Variants in HPSE2 observed in about 807,000 individuals in gnomAD.
HPSE2 encodes the protein inactive heparanase-2.
A neutral mutation model predicts 60.5 loss-of-function variants in HPSE2; 38 were observed. The observed-to-expected ratio is 0.63, with a 90% confidence interval of 0.48 to 0.82. The LOEUF is 0.82. HPSE2 is among the 40% of genes least tolerant of loss of function. The pLI is 0.00. For missense variants in HPSE2, 713 were observed against 740.4 expected (o/e 0.96, Z 0.43); for synonymous variants, 295 against 293.2 (o/e 1.01, Z -0.06).
chr10:98,910,891 A>G, intron 3 of HPSE2, among the ~76,000 whole-genome samples: 1 of 152,192 alleles, frequency 6.6e-6, no homozygotes, highest in African/African-American at 2.4e-5. Context: ...GCTTAACTAA[A>G]AGGAATTGAG....
the HPSE2 span, among the ~76,000 whole-genome samples, chr10:99,301,393 T>A: frequency 6.6e-6 from 1 of 152,088 alleles, no homozygotes; most frequent in Non-Finnish European, 1.5e-5. Context: ...GTATCAGGTA[T>A]CCCCCCATAT....
chr10:99,242,055 G>T, the HPSE2 span, among the ~76,000 whole-genome samples: 2 of 152,068 alleles, frequency 1.3e-5, no homozygotes, highest in Admixed American at 1.3e-4. Flanking sequence ...ATATGTCTTT[G>T]ATTTTCTACT....
At chr10:98,960,423 T>C (rs1955622600) in intron 3 of HPSE2, among the ~76,000 whole-genome samples, 1 of 152,114 alleles carries the variant, frequency 6.6e-6, no homozygotes, top group African/African-American at 2.4e-5. Flanking sequence ...TAAAATAAAG[T>C]TTACTTTCTA....
chr10:99,244,179 G>A, the HPSE2 span, among the ~76,000 whole-genome samples: 41 of 151,420 alleles, frequency 2.7e-4, no homozygotes, highest in African/African-American at 9.7e-4. Flanking sequence ...CACCGTGCCC[G>A]GCTAATTTTT....
intron 3 of HPSE2, among the ~76,000 whole-genome samples, chr10:98,837,966 C>G (rs184158903): frequency 6.6e-6 from 1 of 151,786 alleles, no homozygotes; most frequent in Non-Finnish European, 1.5e-5. Flanking sequence ...TAAGAGAAAC[C>G]AGAGTAATAG....
chr10:99,206,109 C>T (rs1848736340), intron 2 of HPSE2, among the ~76,000 whole-genome samples: 1 of 152,136 alleles, frequency 6.6e-6, no homozygotes, highest in Non-Finnish European at 1.5e-5. Context: ...TGCAGATGTC[C>T]ACCATTTCAA....
chr10:98,571,940 C>CTTTTTT lies in HPSE2; in HGVS notation c.1320+42958_1320+42963dup, dbSNP rs1554943112. Among the ~76,000 whole-genome samples, 6 of 140,720 alleles carry CTTTTTT rather than the reference C, an allele frequency of 4.3e-5. 1 individual carries two copies. Among genetic ancestry groups the CTTTTTT allele is most frequent in the Admixed American group, 7.1e-5 (1 of 14,010 alleles). 92.3% of individuals were successfully genotyped at this position (140,720 alleles called of 152,430 possible). A position where few individuals can be genotyped will look rare whatever the true frequency, so the allele number is the denominator to read the frequency against. ...AATTCAGAGCAAGAGAATTCCTTTT[C>CTTTTTT]TTTTTTTTTTTTTTTTGAGACGGAG... is the stretch of plus-strand genomic sequence containing the variant. On this transcript the variant is annotated intron_variant, in intron 9 of 11. Coordinates refer to ENST00000370552, the MANE Select transcript of HPSE2 (RefSeq NM_021828.5).
At chr10:99,212,872 A>C (rs1848995731) in intron 2 of HPSE2, among the ~76,000 whole-genome samples, 2 of 152,202 alleles carry the variant, frequency 1.3e-5, no homozygotes, top group Admixed American at 6.5e-5. Context: ...ATATTTCAAA[A>C]CATCATATTG....
intron 3 of HPSE2, among the ~76,000 whole-genome samples, chr10:98,862,001 A>T (rs771198182): frequency 5.9e-5 from 9 of 152,194 alleles, no homozygotes; most frequent in Non-Finnish European, 1.2e-4. Flanking sequence ...AAGGTGAAAA[A>T]TCCATGTTTG....
At chr10:98,480,896 A>T (rs536405952) in intron 11 of HPSE2, among the ~76,000 whole-genome samples, 1 of 152,326 alleles carries the variant, frequency 6.6e-6, no homozygotes, top group South Asian at 2.1e-4. Context: ...ATATGTCAGG[A>T]ACTTTACACA....
intron 8 of HPSE2, among the ~76,000 whole-genome samples, chr10:98,616,208 C>T (rs944569516): frequency 2.0e-5 from 3 of 152,170 alleles, no homozygotes; most frequent in Non-Finnish European, 2.9e-5. Flanking sequence ...TGTACTTCCC[C>T]AGATCTCTTA....
chr10:98,798,817 G>A (rs867556159), intron 3 of HPSE2, among the ~76,000 whole-genome samples: 1 of 152,062 alleles, frequency 6.6e-6, no homozygotes, highest in Non-Finnish European at 1.5e-5. Context: ...AGGAAGGAAA[G>A]AAGGAAGAGA....
At chr10:99,153,000 TG>T (rs1846342642) in intron 2 of HPSE2, among the ~76,000 whole-genome samples, 1 of 152,238 alleles carries the variant, frequency 6.6e-6, no homozygotes, top group Non-Finnish European at 1.5e-5. Context: ...AGAGGGCACC[TG>T]GAAAATCGGG....
intron 3 of HPSE2, among the ~76,000 whole-genome samples, chr10:99,103,481 A>G (rs1844100953): frequency 6.6e-6 from 1 of 152,202 alleles, no homozygotes; most frequent in Non-Finnish European, 1.5e-5. Context: ...ATGAAATAAA[A>G]GAGGATACAA....
At chr10:98,587,989 C>T (rs1310352910) in intron 9 of HPSE2, among the ~76,000 whole-genome samples, 1 of 152,182 alleles carries the variant, frequency 6.6e-6, no homozygotes, top group Non-Finnish European at 1.5e-5. Flanking sequence ...TATCATGCTG[C>T]CCTTCAGCTC....
At chr10:98,816,946 T>C (rs1318775431) in intron 3 of HPSE2, among the ~76,000 whole-genome samples, 1 of 152,186 alleles carries the variant, frequency 6.6e-6, no homozygotes, top group Non-Finnish European at 1.5e-5. Context: ...TACCTTCTAG[T>C]GGACTGGCTT....
intron 3 of HPSE2, among the ~76,000 whole-genome samples, chr10:98,967,552 C>T (rs1023606566): frequency 1.3e-5 from 2 of 152,104 alleles, no homozygotes; most frequent in African/African-American, 4.8e-5. Flanking sequence ...AAACAATAGA[C>T]ATTTCCCTGT....
chr10:98,974,791 T>G (rs1956047171), intron 3 of HPSE2, among the ~76,000 whole-genome samples: 1 of 152,104 alleles, frequency 6.6e-6, no homozygotes, highest in Non-Finnish European at 1.5e-5. Flanking sequence ...CTTATTCCCT[T>G]TTGTTGTTAA....
intron 9 of HPSE2, among the ~76,000 whole-genome samples, chr10:98,545,708 C>A (rs1475052849): frequency 6.6e-6 from 1 of 151,894 alleles, no homozygotes; most frequent in East Asian, 1.9e-4. Context: ...ACTGAATGGG[C>A]AAAAACTGGA....
Sources: gnomAD v4.1 joint callset for allele counts (sites outside exome capture counted in the v4.1 genomes callset) on GRCh38, gnomAD v4.1.1 for gene constraint, MANE v1.5 for transcripts, NCBI Gene and HGNC (gene_info 2026-07-23, HGNC 2026-07-21) for gene names.